WWOX: variants seen among roughly 807,000 people sequenced by gnomAD.
WWOX encodes the protein WW domain containing oxidoreductase.
WWOX carries 69 observed loss-of-function variants against 46.2 expected under a neutral mutation model. That is an observed-to-expected ratio of 1.49 (90% CI 1.23 to 1.82). The LOEUF (loss-of-function observed/expected upper bound fraction) is 1.82, where lower values mean the gene tolerates loss of function less well. WWOX is among the 40% of genes most tolerant of loss of function. The pLI, the probability that WWOX is intolerant of heterozygous loss-of-function variation, is 0.00. For missense variants in WWOX, 919 were observed against 542.6 expected (o/e 1.69, Z -6.89); for synonymous variants, 359 against 202.6 (o/e 1.77, Z -6.56).
At position 78,800,441 on chromosome 16, in the gene WWOX, G is replaced by C. The variant is rs139673745; in HGVS notation, c.1056+367689G>C. Among the ~76,000 whole-genome samples the C allele has an allele frequency of 9.7e-4, 148 of 152,254 alleles. 1 individual carries two copies. Among genetic ancestry groups the C allele is most frequent in the African/African-American group, 3.3e-3 (138 of 41,538 alleles). On this transcript the variant is annotated intron_variant, in intron 8 of 8. Coordinates refer to ENST00000566780, the MANE Select transcript of WWOX (RefSeq NM_016373.4). ...ATTGTGTAGGTGCCTGTAGTCACTG[G>C]CTATGAAAATGGCCCCAAATAAAGT...
In WWOX at chr16:78,656,687, G is replaced by C. The variant is rs183294362; in HGVS notation, c.1056+223935G>C. On this transcript the variant is annotated intron_variant, in intron 8 of 8. Transcript: ENST00000566780. ...GGATTGCAGTTTGATGTGAAATTTTGGCTGGGACACAAATCCCAACCATAT... is the reference window on the plus strand; with the variant it reads ...GGATTGCAGTTTGATGTGAAATTTTCGCTGGGACACAAATCCCAACCATAT... Among the ~76,000 whole-genome samples the C allele has an allele frequency of 2.6e-5, 4 of 152,222 alleles. No individual in the cohort carries two copies. The South Asian group carries it at 8.3e-4, about 32-fold the overall frequency.
At chr16:78,882,863 A>G (rs2044372920) in intron 8 of WWOX, among the ~76,000 whole-genome samples, 1 of 152,096 alleles carries the variant, frequency 6.6e-6, no homozygotes, top group Admixed American at 6.5e-5. Flanking sequence ...CATTTAGCAA[A>G]GACTTCCTGA....
chr16:79,051,049 C>T (rs1355399715), intron 8 of WWOX, among the ~76,000 whole-genome samples: 5 of 152,164 alleles, frequency 3.3e-5, no homozygotes, highest in Non-Finnish European at 5.9e-5. Context: ...GGATTATTCC[C>T]AAGGAAGCTG....
intron 8 of WWOX, among the ~76,000 whole-genome samples, chr16:78,707,231 G>A (rs953192402): frequency 2.0e-5 from 3 of 151,828 alleles, no homozygotes; most frequent in Non-Finnish European, 4.4e-5. Flanking sequence ...CAGTCTTTTG[G>A]GAATAAAATA....
intron 5 of WWOX, among the ~76,000 whole-genome samples, chr16:78,367,490 C>G (rs1259281160): frequency 1.3e-5 from 2 of 151,958 alleles, no homozygotes; most frequent in Admixed American, 6.6e-5. Flanking sequence ...AATTCTTTGT[C>G]CAGTGTCACC....
chr16:78,155,276 G>C (rs1442682284), intron 4 of WWOX, among the ~76,000 whole-genome samples: 1 of 151,504 alleles, frequency 6.6e-6, no homozygotes, highest in East Asian at 1.9e-4. Context: ...GGAAGGGAAA[G>C]GGAAGGAAGG....
chr16:78,539,262 C>G (rs1041772472), intron 8 of WWOX, among the ~76,000 whole-genome samples: 4 of 152,188 alleles, frequency 2.6e-5, no homozygotes, highest in Admixed American at 2.6e-4. Context: ...CAGACAAAAT[C>G]ACAGGAATCT....
At chr16:78,741,621 G>T (rs1285333923) in intron 8 of WWOX, among the ~76,000 whole-genome samples, 1 of 152,040 alleles carries the variant, frequency 6.6e-6, no homozygotes, top group African/African-American at 2.4e-5. Context: ...TTGGGAGGCT[G>T]AGGTGGGTGG....
At chr16:78,377,835 C>T (rs183966692) in intron 5 of WWOX, among the ~76,000 whole-genome samples, 7 of 152,302 alleles carry the variant, frequency 4.6e-5, no homozygotes, top group East Asian at 1.9e-4. Context: ...TTATCTGGTG[C>T]AATTTCTCCT....
intron 8 of WWOX, among the ~76,000 whole-genome samples, chr16:78,601,457 A>AG (rs1308413463): frequency 1.3e-5 from 2 of 151,908 alleles, no homozygotes; most frequent in Non-Finnish European, 2.9e-5. Flanking sequence ...AAAAAAAGAA[A>AG]GGAAAAAAAC....
chr16:78,925,352 A>C (rs1412711632), intron 8 of WWOX, among the ~76,000 whole-genome samples: 1 of 152,126 alleles, frequency 6.6e-6, no homozygotes, highest in Admixed American at 6.5e-5. Context: ...TAAAATGGCA[A>C]CAAAGGGAGA....
chr16:79,211,961 G>GCAGGGAATTCCTGGGGTAAAGTAT lies in WWOX; in HGVS notation c.*168_*191dup. The GCAGGGAATTCCTGGGGTAAAGTAT allele has an allele frequency of 6.5e-7, 1 of 1,535,828 alleles. No individual in the cohort carries two copies. The highest frequency in any genetic ancestry group is 8.7e-7 in the Non-Finnish European group (1 of 1,146,888). On this transcript the variant is annotated 3_prime_UTR_variant, in exon 9 of 9. Transcript: ENST00000566780. The stretch of plus-strand genomic sequence containing the variant: ...GAAAAATCTTAAGTACCAATGGGAA[G>GCAGGGAATTCCTGGGGTAAAGTAT]CAGGGAATTCCTGGGGTAAAGTATC...
chr16:78,686,917 A>G (rs1323758177), intron 8 of WWOX, among the ~76,000 whole-genome samples: 1 of 152,226 alleles, frequency 6.6e-6, no homozygotes, highest in Non-Finnish European at 1.5e-5. Context: ...CCACATAGTA[A>G]TAAACAGTTT....
rs921104354 is a variant in WWOX, at chr16:78,398,323, G to C, written c.605+11375G>C. Among the ~76,000 whole-genome samples, 10 of 152,270 alleles carry C rather than the reference G, an allele frequency of 6.6e-5. No homozygotes were observed. The East Asian group carries it at 7.7e-4, about 12-fold the overall frequency. Reference sequence around the variant, plus strand: ...CCAACCCAGGCTTCTCTGCTCCGCTGCTTATGTTCTGGATCCTGACTCTGA... The same window carrying C: ...CCAACCCAGGCTTCTCTGCTCCGCTCCTTATGTTCTGGATCCTGACTCTGA... On this transcript the variant is annotated intron_variant, in intron 6 of 8. Transcript: ENST00000566780.
intron 8 of WWOX, among the ~76,000 whole-genome samples, chr16:78,906,300 C>G (rs977401091): frequency 6.6e-6 from 1 of 152,156 alleles, no homozygotes; most frequent in Non-Finnish European, 1.5e-5. Flanking sequence ...AGAGGAAAGC[C>G]TCTTGGCCTT....
intron 8 of WWOX, among the ~76,000 whole-genome samples, chr16:78,744,991 C>T (rs1197271269): frequency 6.6e-6 from 1 of 152,142 alleles, no homozygotes; most frequent in Admixed American, 6.5e-5. Flanking sequence ...CTCCTGGCTT[C>T]CCCAGTCCCT....
intron 5 of WWOX, among the ~76,000 whole-genome samples, chr16:78,374,838 C>G (rs1597123274): frequency 6.6e-6 from 1 of 152,068 alleles, no homozygotes; most frequent in African/African-American, 2.4e-5. Context: ...GCACGAGTCT[C>G]CGCACCCGGC....
At chr16:78,373,591 C>T (rs1321839700) in intron 5 of WWOX, among the ~76,000 whole-genome samples, 1 of 151,784 alleles carries the variant, frequency 6.6e-6, no homozygotes, top group Non-Finnish European at 1.5e-5. Context: ...TGAGGGACAG[C>T]TAGTTCTATC....
chr16:78,405,895 C>G (rs917945154), intron 6 of WWOX, among the ~76,000 whole-genome samples: 1 of 152,134 alleles, frequency 6.6e-6, no homozygotes, highest in Non-Finnish European at 1.5e-5. Context: ...AGTGAGTTTT[C>G]CCTGTCACGC....
Sources: allele counts gnomAD v4.1 joint callset (sites outside exome capture counted in the v4.1 genomes callset), GRCh38; gene constraint gnomAD v4.1.1; transcripts MANE v1.5; gene names NCBI Gene and HGNC (gene_info 2026-07-23, HGNC 2026-07-21).